MAN2A1: variants seen among roughly 807,000 people sequenced by gnomAD.
MAN2A1 encodes alpha-mannosidase 2.
Under a neutral mutation model 142.6 loss-of-function variants are expected in MAN2A1, and 76 were observed. The observed-to-expected ratio is 0.53, with a 90% confidence interval of 0.44 to 0.65. The LOEUF is 0.65. Ranked by LOEUF, MAN2A1 falls within the 30% of genes least tolerant of loss-of-function variation. The pLI is 0.00. For missense variants in MAN2A1, 1,311 were observed against 1,365.1 expected, an observed-to-expected ratio of 0.96 and a Z score of 0.62; for synonymous variants, 559 against 473.2, an observed-to-expected ratio of 1.18 and a Z score of -2.35.
At chr5:109,728,285 T>C (rs975588849) in intron 3 of MAN2A1, among the ~76,000 whole-genome samples, 3 of 152,214 alleles carry the variant, frequency 2.0e-5, no homozygotes, top group African/African-American at 7.2e-5. Flanking sequence ...CCAGCAAATA[T>C]AGTATACATA....
intron 17 of MAN2A1, among the ~76,000 whole-genome samples, chr5:109,843,752 C>T (rs976724240): frequency 1.3e-5 from 2 of 152,078 alleles, no homozygotes; most frequent in Non-Finnish European, 2.9e-5. Context: ...GTCAATTCTC[C>T]AATTTAATAG....
At chr5:109,850,789 AT>A (rs1175939743) in intron 19 of MAN2A1, among the ~76,000 whole-genome samples, 12 of 152,304 alleles carry the variant, frequency 7.9e-5, no homozygotes, top group Admixed American at 6.5e-4. Flanking sequence ...ATAGTAATTG[AT>A]TTAAATTTAA....
chr5:109,734,463 A>T (rs1043394858), intron 4 of MAN2A1, among the ~76,000 whole-genome samples: 1 of 152,016 alleles, frequency 6.6e-6, no homozygotes, highest in African/African-American at 2.4e-5. Context: ...TTGTGATGTT[A>T]GGGTGTCAAT....
At chr5:109,847,405 A>G (rs1206925954) in intron 18 of MAN2A1, among the ~76,000 whole-genome samples, 1 of 152,188 alleles carries the variant, frequency 6.6e-6, no homozygotes, top group Non-Finnish European at 1.5e-5. Context: ...TCACTTTTAA[A>G]TTTCTTATCA....
At chr5:109,764,682 C>T (rs1752943484) in intron 5 of MAN2A1, among the ~76,000 whole-genome samples, 1 of 152,042 alleles carries the variant, frequency 6.6e-6, no homozygotes, top group Non-Finnish European at 1.5e-5. Context: ...CCTCTGGATC[C>T]AACGGTTTTG....
chr5:109,690,711 G>T (rs1318721090), intron 1 of MAN2A1, among the ~76,000 whole-genome samples, 159 bp downstream of exon 1: 1 of 152,146 alleles, frequency 6.6e-6, no homozygotes, highest in Non-Finnish European at 1.5e-5. Context: ...ATCACCTCCT[G>T]GGAGCCACCT....
Position 109,826,285 on chromosome 5 carries a change from A to G in MAN2A1, c.2566+2448A>G, listed in dbSNP as rs528348595. 2.6e-5 allele frequency among the ~76,000 whole-genome samples: 4 copies of G among 152,302 alleles called. No individual in the cohort carries two copies. In the South Asian group the frequency reaches 8.3e-4, roughly 32 times the overall value. On this transcript the variant is annotated intron_variant, in intron 16 of 21. Transcript: ENST00000261483. The stretch of plus-strand genomic sequence containing the variant: ...GTGTTCTCGGGCATATGAAAAAAAT[A>G]ATAAATGATGGATAAATAAGTGTAA...
chr5:109,864,992 G>A, intron 20 of MAN2A1, 44 bp from the exon 21 acceptor site: 2 of 1,271,868 alleles, frequency 1.6e-6, no homozygotes, highest in South Asian at 2.4e-5. Flanking sequence ...ATAAATATTT[G>A]CTTTATTGTC....
At chr5:109,745,886 G>C (rs930177607) in intron 4 of MAN2A1, among the ~76,000 whole-genome samples, 1 of 152,066 alleles carries the variant, frequency 6.6e-6, no homozygotes, top group Non-Finnish European at 1.5e-5. Context: ...CAAAGCACAG[G>C]GATTATAGGT....
intron 14 of MAN2A1, 21 bp from the exon 15 acceptor site, chr5:109,820,199 A>G (rs1179315106): frequency 6.9e-6 from 11 of 1,585,018 alleles, no homozygotes; most frequent in Non-Finnish European, 9.5e-6. Flanking sequence ...GTTGCTTATT[A>G]TTATTTTTTT....
rs554501093 is a variant in MAN2A1 at position 109,759,984 on chromosome 5, T to C, written c.835+4528T>C. ...ATATATAGATAGATAGATAGATAGA[T>C]AGATAGATAGATAGATAGATACTTT... On this transcript the variant is annotated intron_variant, in intron 5 of 21. Coordinates refer to ENST00000261483, the MANE Select transcript of MAN2A1 (RefSeq NM_002372.4). Among the ~76,000 whole-genome samples, 39 of 152,024 alleles carry C rather than the reference T, an allele frequency of 2.6e-4. No individual in the cohort carries two copies. In the East Asian group the frequency reaches 3.9e-3, roughly 15 times the overall value.
intron 1 of MAN2A1, among the ~76,000 whole-genome samples, chr5:109,710,696 AT>A (rs202013440): frequency 5.0e-4 from 72 of 144,780 alleles, no homozygotes; most frequent in African/African-American, 9.6e-4. Context: ...TTATTTACCT[AT>A]TTTTTTTTTT....
intron 3 of MAN2A1, among the ~76,000 whole-genome samples, chr5:109,726,694 AAAAT>A (rs1366115691): frequency 6.6e-6 from 1 of 152,212 alleles, no homozygotes; most frequent in East Asian, 1.9e-4. Flanking sequence ...ATAACTGTTG[AAAAT>A]AAATAGTTGT....
intron 2 of MAN2A1, among the ~76,000 whole-genome samples, chr5:109,714,092 ACCTT>A (rs1751385352): frequency 6.6e-6 from 1 of 151,282 alleles, no homozygotes; most frequent in South Asian, 2.1e-4. Flanking sequence ...ATTTTTTTTT[ACCTT>A]CCTTTGGAGA....
chr5:109,721,037 T>TG lies in MAN2A1; in HGVS notation c.535+4773_535+4774insG, dbSNP rs1751588736. 2.0e-5 allele frequency among the ~76,000 whole-genome samples: 3 copies of TG among 152,326 alleles called. No homozygotes were observed. The East Asian group carries it at 5.8e-4, about 29-fold the overall frequency. ...TCTGGCATTTATTGCCTGTACGGCA[T>TG]CAGGGGAGTTGCAGGTCTTTGTTAT... On this transcript the variant is annotated intron_variant, in intron 3 of 21. Coordinates refer to ENST00000261483, the MANE Select transcript of MAN2A1 (RefSeq NM_002372.4).
At chr5:109,844,777 C>T (rs1755304582) in intron 17 of MAN2A1, among the ~76,000 whole-genome samples, 2 of 152,156 alleles carry the variant, frequency 1.3e-5, no homozygotes, top group African/African-American at 4.8e-5. Context: ...CCCTATGCCT[C>T]TTGTATCTGT....
chr5:109,781,394 A>G lies in MAN2A1; in HGVS notation c.1375-2A>G, dbSNP rs1753451223. ...AATTGAAGTGCATTTTTTTAAAACT[A>G]GATACAGTTTGGAACTTTATCAGAT... On this transcript the variant is annotated splice_acceptor_variant, in intron 8 of 21. Transcript: ENST00000261483. LOFTEE classifies it high-confidence loss of function. 1 of 1,582,922 alleles carries G rather than the reference A, an allele frequency of 6.3e-7. No homozygotes were observed. Among genetic ancestry groups the G allele is most frequent in the Non-Finnish European group, 8.6e-7 (1 of 1,164,128 alleles).
intron 3 of MAN2A1, among the ~76,000 whole-genome samples, chr5:109,716,875 AG>A (rs1751468955): frequency 6.6e-6 from 1 of 152,196 alleles, no homozygotes; most frequent in Non-Finnish European, 1.5e-5. Context: ...GCACAACAGT[AG>A]CTGCTATCAT....
In MAN2A1 at chr5:109,787,706, T is replaced by G. The variant is rs186372005; in HGVS notation, c.1761-1228T>G. Among the ~76,000 whole-genome samples, 63 of 152,030 alleles carry G rather than the reference T, an allele frequency of 4.1e-4. 1 individual carries two copies. The highest frequency in any genetic ancestry group is 6.8e-3 in the Middle Eastern group (2 of 294). ...GTTTTAGGTGGTGGAGAACATGACT[T>G]TCACTCTGCAGATTCAGGCTGCCTA... On this transcript the variant is annotated intron_variant, in intron 10 of 21. Transcript: ENST00000261483.
Sources: gnomAD v4.1 joint callset for allele counts (sites outside exome capture counted in the v4.1 genomes callset) on GRCh38, gnomAD v4.1.1 for gene constraint, MANE v1.5 for transcripts, NCBI Gene and HGNC (gene_info 2026-07-23, HGNC 2026-07-21) for gene names.